The following MYO16 variants were observed in gnomAD, a reference collection of about 807,000 sequenced individuals.
The protein encoded by MYO16 is unconventional myosin-XVI.
A neutral mutation model predicts 205.3 loss-of-function variants in MYO16; 94 were observed. That is an observed-to-expected ratio of 0.46 (90% CI 0.39 to 0.54). The LOEUF (loss-of-function observed/expected upper bound fraction) is 0.54, where lower values mean the gene tolerates loss of function less well. Ranked by LOEUF, MYO16 falls within the 20% of genes least tolerant of loss-of-function variation. The pLI is 0.00. For missense variants in MYO16, 2,315 were observed against 2,387.5 expected (o/e 0.97, Z 0.63); for synonymous variants, 988 against 954.0 (o/e 1.04, Z -0.66).
the MYO16 span, among the ~76,000 whole-genome samples, chr13:108,543,731 C>A: frequency 9.2e-6 from 1 of 108,874 alleles, no homozygotes; most frequent in Admixed American, 1.5e-4. Flanking sequence ...ACTTTCCCTT[C>A]CTTTTTTTCT....
intron 4 of MYO16, among the ~76,000 whole-genome samples, chr13:108,766,958 A>G (rs1043566667): frequency 1.3e-5 from 2 of 152,192 alleles, no homozygotes; most frequent in Admixed American, 1.3e-4. Flanking sequence ...CACTTTAAAA[A>G]CTAAGTAGGG....
At chr13:109,106,226 C>T (rs187266822) in intron 28 of MYO16, among the ~76,000 whole-genome samples, 1 of 152,262 alleles carries the variant, frequency 6.6e-6, no homozygotes, top group African/African-American at 2.4e-5. Flanking sequence ...TGAATTAATT[C>T]CTGGTTTGAA....
chr13:108,553,210 C>T, the MYO16 span, among the ~76,000 whole-genome samples: 2 of 151,710 alleles, frequency 1.3e-5, no homozygotes, highest in East Asian at 3.9e-4. Flanking sequence ...CAAGGCTGGT[C>T]TAGAATTCCT....
At chr13:108,568,344 T>C in the MYO16 span, among the ~76,000 whole-genome samples, 1 of 152,168 alleles carries the variant, frequency 6.6e-6, no homozygotes, top group Non-Finnish European at 1.5e-5. Context: ...TTTCTTCTTA[T>C]CTTCATTAAC....
At chr13:108,572,494 G>A in the MYO16 span, among the ~76,000 whole-genome samples, 1 of 152,176 alleles carries the variant, frequency 6.6e-6, no homozygotes, top group Admixed American at 6.5e-5. Flanking sequence ...TCCCAACAAT[G>A]AGTGAATGCT....
At chr13:109,107,577 C>T (rs938765946) in intron 28 of MYO16, among the ~76,000 whole-genome samples, 2 of 151,974 alleles carry the variant, frequency 1.3e-5, no homozygotes, top group African/African-American at 4.8e-5. Flanking sequence ...TATTAGGGCC[C>T]TTACTTCTTA....
At chr13:108,598,998 T>TC (rs1249448724) in intron 1 of MYO16, among the ~76,000 whole-genome samples, 1 of 69,226 alleles carries the variant, frequency 1.4e-5, no homozygotes, top group African/African-American at 5.9e-5. Flanking sequence ...CCCTCCCCCC[T>TC]CCCCCCACCC....
At chr13:108,610,787 G>T (rs913497682) in intron 1 of MYO16, among the ~76,000 whole-genome samples, 1 of 152,144 alleles carries the variant, frequency 6.6e-6, no homozygotes, top group Non-Finnish European at 1.5e-5. Context: ...GAGAGGAGGA[G>T]AGCTGAGAGA....
chr13:108,706,338 G>C (rs578069269), intron 2 of MYO16, among the ~76,000 whole-genome samples: 35 of 152,224 alleles, frequency 2.3e-4, no homozygotes, highest in African/African-American at 7.5e-4. Flanking sequence ...AGAAAGCAAA[G>C]AAAGGCCTAA....
chr13:108,633,193 C>G (rs1331832869), intron 1 of MYO16, among the ~76,000 whole-genome samples: 1 of 152,094 alleles, frequency 6.6e-6, no homozygotes, highest in South Asian at 2.1e-4. Flanking sequence ...TTAGTCAGGG[C>G]TTTCTTGAGG....
chr13:108,591,533 C>T (rs574512251), upstream of MYO16, among the ~76,000 whole-genome samples: 66 of 151,682 alleles, frequency 4.4e-4, no homozygotes, highest in Non-Finnish European at 8.2e-4. Context: ...TCTTTCTTTT[C>T]CATTTTTAGC....
At chr13:108,525,560 G>T in the MYO16 span, among the ~76,000 whole-genome samples, 2 of 152,176 alleles carry the variant, frequency 1.3e-5, no homozygotes, top group African/African-American at 4.8e-5. Flanking sequence ...GACTAAAAAT[G>T]TCTTCAGACA....
the MYO16 span, among the ~76,000 whole-genome samples, chr13:108,545,146 C>T: frequency 2.6e-5 from 4 of 152,118 alleles, no homozygotes; most frequent in South Asian, 4.1e-4. Flanking sequence ...TTTCAACGCT[C>T]ACCTGCCTCC....
chr13:108,706,811 G>A (rs1883527167), intron 2 of MYO16, among the ~76,000 whole-genome samples: 1 of 152,164 alleles, frequency 6.6e-6, no homozygotes, highest in Non-Finnish European at 1.5e-5. Flanking sequence ...ATCAAGTTGA[G>A]TGGGAAAAAA....
At chr13:109,012,437 C>G (rs1221684278) in intron 22 of MYO16, among the ~76,000 whole-genome samples, 3 of 152,176 alleles carry the variant, frequency 2.0e-5, no homozygotes, top group African/African-American at 7.2e-5. Context: ...AGGGATCTAG[C>G]TGCACACTCC....
At chr13:108,869,839 T>A (rs1264954565) in intron 12 of MYO16, among the ~76,000 whole-genome samples, 1 of 151,156 alleles carries the variant, frequency 6.6e-6, no homozygotes, top group Non-Finnish European at 1.5e-5. Flanking sequence ...TAGTGTGTTT[T>A]AAAAATACTC....
intron 12 of MYO16, among the ~76,000 whole-genome samples, chr13:108,874,316 T>G (rs9555527): frequency 1.3e-5 from 2 of 152,160 alleles, no homozygotes; most frequent in African/African-American, 2.4e-5. Flanking sequence ...TTATGGGGTT[T>G]AAAAAATATA....
At chr13:108,527,955 G>C in the MYO16 span, among the ~76,000 whole-genome samples, 1 of 152,104 alleles carries the variant, frequency 6.6e-6, no homozygotes, top group East Asian at 1.9e-4. Context: ...TTATGATCTG[G>C]TATCTGTGTA....
At chr13:108,623,962 T>C (rs1879634450) in intron 1 of MYO16, among the ~76,000 whole-genome samples, 1 of 152,094 alleles carries the variant, frequency 6.6e-6, no homozygotes, top group East Asian at 1.9e-4. Flanking sequence ...CAAGAACAGT[T>C]TGTAGATTAA....
Sources: gnomAD v4.1 joint callset for allele counts (sites outside exome capture counted in the v4.1 genomes callset) on GRCh38, gnomAD v4.1.1 for gene constraint, MANE v1.5 for transcripts, NCBI Gene and HGNC (gene_info 2026-07-23, HGNC 2026-07-21) for gene names.